Variants in CSNK1G1 observed in about 807,000 individuals in gnomAD.
CSNK1G1 encodes the protein casein kinase 1 gamma 1, also known as casein kinase I isoform gamma-1.
A neutral mutation model predicts 59.6 loss-of-function variants in CSNK1G1; 22 were observed. The observed-to-expected ratio is 0.37, with a 90% confidence interval of 0.26 to 0.53. The LOEUF is 0.53. Among genes scored for constraint, CSNK1G1 ranks in the 20% least tolerant of loss-of-function variants. CSNK1G1 has a pLI of 0.89. For synonymous variants in CSNK1G1, 179 were observed against 177.1 expected (o/e 1.01, Z -0.08); for missense variants, 384 against 519.5 (o/e 0.74, Z 2.54).
intron 6 of CSNK1G1, among the ~76,000 whole-genome samples, chr15:64,212,780 C>T (rs2082264516): frequency 6.6e-6 from 1 of 151,984 alleles, no homozygotes; most frequent in South Asian, 2.1e-4. Context: ...CCGAGGCAGG[C>T]AGATCACTTA....
chr15:64,329,121 AG>A (rs1453761916), intron 1 of CSNK1G1, among the ~76,000 whole-genome samples: 2 of 151,824 alleles, frequency 1.3e-5, no homozygotes, highest in Admixed American at 1.3e-4. Flanking sequence ...TCAACGAGAC[AG>A]AAAGTCAACA....
chr15:64,336,850 A>G (rs555171923), intron 1 of CSNK1G1, among the ~76,000 whole-genome samples: 1 of 152,276 alleles, frequency 6.6e-6, no homozygotes, highest in South Asian at 2.1e-4. Flanking sequence ...TCACATAAAC[A>G]TATTTTATAA....
At chr15:64,229,528 TTCTCTCTC>T (rs34099287) in intron 4 of CSNK1G1, among the ~76,000 whole-genome samples, 3 of 144,244 alleles carry the variant, frequency 2.1e-5, no homozygotes, top group African/African-American at 5.2e-5. Flanking sequence ...CTCTCTCTCT[TTCTCTCTC>T]TCTCTCTCTC....
At chr15:64,196,438 T>C (rs1312298088) in intron 10 of CSNK1G1, among the ~76,000 whole-genome samples, 1 of 151,706 alleles carries the variant, frequency 6.6e-6, no homozygotes, top group Non-Finnish European at 1.5e-5. Flanking sequence ...GGAAAAGAAC[T>C]AATAAGATCA....
intron 4 of CSNK1G1, among the ~76,000 whole-genome samples, chr15:64,225,393 C>T (rs1567383197): frequency 6.6e-6 from 1 of 152,082 alleles, no homozygotes; most frequent in Admixed American, 6.6e-5. Context: ...CATCCCTCTC[C>T]GAACCTCCCC....
intron 10 of CSNK1G1, among the ~76,000 whole-genome samples, chr15:64,193,344 T>G (rs2140232243): frequency 6.6e-6 from 1 of 151,680 alleles, no homozygotes; most frequent in East Asian, 1.9e-4. Flanking sequence ...ACAAAAAAAA[T>G]TAGCCAGGCA....
At chr15:64,212,067 A>G (rs2082255989) in intron 6 of CSNK1G1, among the ~76,000 whole-genome samples, 1 of 152,258 alleles carries the variant, frequency 6.6e-6, no homozygotes, top group Non-Finnish European at 1.5e-5. Context: ...TATGTCAGAC[A>G]TGGTGCTTTC....
chr15:64,265,204 C>T (rs78426157), intron 2 of CSNK1G1, among the ~76,000 whole-genome samples: 1 of 152,176 alleles, frequency 6.6e-6, no homozygotes, highest in Non-Finnish European at 1.5e-5. Flanking sequence ...AGTAGCATTT[C>T]TAATGCCAAA....
At chr15:64,349,210 T>G (rs916179514) in intron 1 of CSNK1G1, among the ~76,000 whole-genome samples, 5 of 151,830 alleles carry the variant, frequency 3.3e-5, no homozygotes, top group Non-Finnish European at 7.4e-5. Flanking sequence ...TAAATACCCC[T>G]TTTTATAGGC....
At position 64,225,904 on chromosome 15, in the gene CSNK1G1, G is replaced by A. The variant is rs567361923; in HGVS notation, c.293-9191C>T. 4.6e-5 allele frequency among the ~76,000 whole-genome samples: 7 copies of A among 152,314 alleles called. No homozygotes were observed. The East Asian group carries it at 1.4e-3, about 29-fold the overall frequency. On this transcript the variant is annotated intron_variant, in intron 4 of 11. Coordinates refer to ENST00000303052, the MANE Select transcript of CSNK1G1 (RefSeq NM_022048.5). ...GGCCTCCCGAAGTGCTGGGATTACA[G>A]GCGTGAGACACTGCTCCCGGCTTAC...
intron 1 of CSNK1G1, among the ~76,000 whole-genome samples, chr15:64,327,144 G>A (rs956687217): frequency 1.4e-4 from 21 of 152,274 alleles, no homozygotes; most frequent in East Asian, 1.4e-3. Flanking sequence ...CAAAGCAGCC[G>A]GGAAGCTCGA....
At chr15:64,248,572 G>C (rs1051681419) in intron 4 of CSNK1G1, among the ~76,000 whole-genome samples, 11 of 151,974 alleles carry the variant, frequency 7.2e-5, no homozygotes, top group Admixed American at 5.2e-4. Flanking sequence ...TGGGGAGAGT[G>C]GGACCAATAT....
chr15:64,218,520 G>A (rs1279825716), intron 4 of CSNK1G1, among the ~76,000 whole-genome samples: 1 of 151,684 alleles, frequency 6.6e-6, no homozygotes, highest in Non-Finnish European at 1.5e-5. Flanking sequence ...AGCCTCCCAA[G>A]TAGCTGAGAT....
At chr15:64,197,748 A>G (rs924176062) in intron 10 of CSNK1G1, among the ~76,000 whole-genome samples, 1 of 152,178 alleles carries the variant, frequency 6.6e-6, no homozygotes, top group Non-Finnish European at 1.5e-5. Flanking sequence ...TTTTAATCAT[A>G]TCACTCCTTT....
chr15:64,230,334 T>A (rs950372845), intron 4 of CSNK1G1, among the ~76,000 whole-genome samples: 18 of 151,884 alleles, frequency 1.2e-4, no homozygotes, highest in African/African-American at 4.1e-4. Flanking sequence ...TCTCACTCTA[T>A]CACCCAGGCT....
At chr15:64,202,724 T>G (rs1238809507) in intron 10 of CSNK1G1, among the ~76,000 whole-genome samples, 1 of 152,116 alleles carries the variant, frequency 6.6e-6, no homozygotes, top group East Asian at 1.9e-4. Flanking sequence ...AACTAATTTT[T>G]TGTATTTTAT....
rs949947514 is a variant in CSNK1G1 at position 64,216,068 on chromosome 15, CT to C, written c.444+493del. On this transcript the variant is annotated intron_variant, in intron 5 of 11. Coordinates refer to ENST00000303052, the MANE Select transcript of CSNK1G1 (RefSeq NM_022048.5). The surrounding 1 kb of genome is among the most constrained non-coding windows in gnomAD (Gnocchi z 4.6). ...ATAGTGGGAGTCTGTCTCCAAAACA[CT>C]TTTTTTTTTTTAAATGAGCTGGCAT... Among the ~76,000 whole-genome samples, 280 of 144,966 alleles carry C rather than the reference CT, an allele frequency of 1.9e-3. No homozygotes were observed. Among genetic ancestry groups the C allele is most frequent in the African/African-American group, 1.9e-3 (74 of 39,780 alleles).
chr15:64,223,792 C>A (rs1371507003), intron 4 of CSNK1G1, among the ~76,000 whole-genome samples: 2 of 152,006 alleles, frequency 1.3e-5, no homozygotes, highest in African/African-American at 4.8e-5. Context: ...TGTTATAAAC[C>A]CTGCCAGACA....
chr15:64,280,158 G>A (rs1383207521), intron 2 of CSNK1G1, among the ~76,000 whole-genome samples: 2 of 151,996 alleles, frequency 1.3e-5, no homozygotes, highest in African/African-American at 2.4e-5. Context: ...ACGTATATAC[G>A]CGCGCACACA....
Sources: gnomAD v4.1 joint callset for allele counts (sites outside exome capture counted in the v4.1 genomes callset) on GRCh38, gnomAD v4.1.1 for gene constraint, Gnocchi (gnomAD v3.1) non-coding constraint, MANE v1.5 for transcripts, NCBI Gene and HGNC (gene_info 2026-07-23, HGNC 2026-07-21) for gene names.